The following NDST4 variants were observed in gnomAD, a reference collection of about 807,000 sequenced individuals.
NDST4 encodes N-heparan sulfate sulfotransferase 4.
A neutral mutation model predicts 100.8 loss-of-function variants in NDST4; 63 were observed. That is an observed-to-expected ratio of 0.62 (90% CI 0.51 to 0.77). The LOEUF is 0.77. NDST4 is among the 30% of genes least tolerant of loss of function. NDST4 has a pLI of 0.00. For missense variants in NDST4, 943 were observed against 1,018.4 expected, an observed-to-expected ratio of 0.93 and a Z score of 1.01; for synonymous variants, 377 against 361.8, an observed-to-expected ratio of 1.04 and a Z score of -0.48.
chr4:114,917,519 A>G (rs1196229586), intron 6 of NDST4, among the ~76,000 whole-genome samples: 1 of 152,152 alleles, frequency 6.6e-6, no homozygotes, highest in Non-Finnish European at 1.5e-5. Context: ...CTCGACTTTC[A>G]TGCACCTACA....
At chr4:114,897,331 A>G (rs1658267929) in intron 6 of NDST4, among the ~76,000 whole-genome samples, 1 of 152,190 alleles carries the variant, frequency 6.6e-6, no homozygotes, top group Non-Finnish European at 1.5e-5. Flanking sequence ...TGAAAATCAT[A>G]CAGCCATTTA....
At chr4:115,093,344 G>A (rs904928972) in intron 1 of NDST4, among the ~76,000 whole-genome samples, 17 of 151,960 alleles carry the variant, frequency 1.1e-4, no homozygotes, top group South Asian at 2.1e-4. Context: ...GCGTGGTGGC[G>A]GGTGCCTGTA....
intron 2 of NDST4, among the ~76,000 whole-genome samples, chr4:115,068,815 C>CAAAAA (rs34003720): frequency 1.8e-3 from 137 of 77,562 alleles, no homozygotes; most frequent in African/African-American, 5.4e-3. Context: ...GGCTCCATCT[C>CAAAAA]AAAAAAAAAA....
At chr4:115,018,904 A>C (rs1432237243) in intron 2 of NDST4, among the ~76,000 whole-genome samples, 1 of 152,008 alleles carries the variant, frequency 6.6e-6, no homozygotes, top group African/African-American at 2.4e-5. Context: ...TCAAAGCTAC[A>C]TTTATTGCAA....
chr4:115,024,331 A>T (rs1425486939), intron 2 of NDST4, among the ~76,000 whole-genome samples: 2 of 152,126 alleles, frequency 1.3e-5, no homozygotes, highest in Non-Finnish European at 2.9e-5. Flanking sequence ...ACCACTTGAA[A>T]GCTGCTGTGT....
intron 4 of NDST4, among the ~76,000 whole-genome samples, chr4:114,969,140 C>T (rs1460775306): frequency 6.6e-6 from 1 of 151,716 alleles, no homozygotes; most frequent in Non-Finnish European, 1.5e-5. Context: ...GGTGAAACCC[C>T]GTCTCTACTA....
rs1724135413 is a variant in NDST4, at chr4:114,870,930, A to G, written c.1557T>C (p.His519=). Residue 519 remains histidine (H), a synonymous_variant, in exon 7 of 14, where the codon CAT becomes CAC. Coordinates refer to ENST00000264363, the MANE Select transcript of NDST4 (RefSeq NM_022569.3). Reference sequence around the variant, plus strand: ...GGCGGTCATTTCCATAGTTTGATAAATGGGTCATGAAAATGCTGATCTGAA... The same window carrying G: ...GGCGGTCATTTCCATAGTTTGATAAGTGGGTCATGAAAATGCTGATCTGAA... ...LLNPISIFMT[H]LSNYGNDRLG... 1 of 1,605,960 alleles carries G rather than the reference A, an allele frequency of 6.2e-7. No individual in the cohort carries two copies. The highest frequency in any genetic ancestry group is 8.5e-7 in the Non-Finnish European group (1 of 1,176,786).
chr4:115,090,839 A>G (rs2126294752), intron 1 of NDST4, among the ~76,000 whole-genome samples: 1 of 152,218 alleles, frequency 6.6e-6, no homozygotes, highest in African/African-American at 2.4e-5. Context: ...GACATCAGCG[A>G]AAGATCAGTG....
chr4:114,917,042 C>A (rs1390171815), intron 6 of NDST4, among the ~76,000 whole-genome samples: 1 of 152,054 alleles, frequency 6.6e-6, no homozygotes, highest in African/African-American at 2.4e-5. Context: ...GGACTCCTTG[C>A]AAATACCAAA....
chr4:115,043,635 G>T (rs1221023828), intron 2 of NDST4, among the ~76,000 whole-genome samples: 1 of 152,092 alleles, frequency 6.6e-6, no homozygotes, highest in African/African-American at 2.4e-5. Flanking sequence ...GGTTGATTCA[G>T]AGGGCACAAT....
intron 4 of NDST4, among the ~76,000 whole-genome samples, chr4:114,960,042 G>T (rs986524026): frequency 2.0e-5 from 3 of 152,064 alleles, no homozygotes; most frequent in Non-Finnish European, 4.4e-5. Flanking sequence ...AGTCGCAAAA[G>T]AACTCATCAC....
intron 1 of NDST4, among the ~76,000 whole-genome samples, chr4:115,109,395 A>C (rs182384241): frequency 1.6e-3 from 238 of 152,096 alleles, no homozygotes; most frequent in African/African-American, 5.4e-3. Flanking sequence ...AAATTCCTCT[A>C]ATTTGGGAAC....
At chr4:114,941,526 AG>A (rs1400037848) in intron 4 of NDST4, among the ~76,000 whole-genome samples, 1 of 152,188 alleles carries the variant, frequency 6.6e-6, no homozygotes, top group African/African-American at 2.4e-5. Flanking sequence ...TCAGCCTTTT[AG>A]GAGTACTCAA....
At chr4:115,050,635 G>A (rs959523686) in intron 2 of NDST4, among the ~76,000 whole-genome samples, 3 of 152,050 alleles carry the variant, frequency 2.0e-5, no homozygotes, top group African/African-American at 7.2e-5. Flanking sequence ...CAAATACAGT[G>A]GAATTATAGT....
intron 2 of NDST4, among the ~76,000 whole-genome samples, chr4:115,009,174 G>GA (rs1257742814): frequency 2.4e-5 from 3 of 127,308 alleles, no homozygotes; most frequent in African/African-American, 3.0e-5. Context: ...CACAGAATTG[G>GA]AAAAAACTAC....
chr4:115,076,259 G>C lies in NDST4; in HGVS notation c.778C>G (p.Leu260Val), dbSNP rs201001644. 5.5e-5 allele frequency: 89 copies of C among 1,614,018 alleles called. No homozygotes were observed. Among genetic ancestry groups the C allele is most frequent in the Non-Finnish European group, 4.1e-5 (48 of 1,179,932 alleles). The change falls in exon 2 of 14, where the codon CTG becomes GTG. Residue 260 changes from leucine (L) to valine (V), a missense_variant. Physicochemically the swap from Leu to Val is conservative, Grantham distance 32. Around this residue, in one of 2 missense-constraint regions of NDST4, gnomAD observed 417 missense variants for 384.2 expected, o/e 1.09. Transcript: ENST00000264363. ...CTCTGAATTCCATCATGAAGCCCCAGATCCTGAATCACCGTTGCAAAGAGT... is the reference window on the plus strand; with the variant it reads ...CTCTGAATTCCATCATGAAGCCCCACATCCTGAATCACCGTTGCAAAGAGT... ...KTLFATVIQD[L>V]GLHDGIQRVL...
At chr4:115,105,841 G>T (rs2110345483) in intron 1 of NDST4, among the ~76,000 whole-genome samples, 1 of 152,078 alleles carries the variant, frequency 6.6e-6, no homozygotes, top group Admixed American at 6.6e-5. Flanking sequence ...AATTCCTTTT[G>T]CATAAAAAAG....
At chr4:114,897,775 A>G (rs972281439) in intron 6 of NDST4, among the ~76,000 whole-genome samples, 1 of 152,178 alleles carries the variant, frequency 6.6e-6, no homozygotes. Context: ...TAATTGTAAT[A>G]GGTTTTTAGT....
At chr4:115,008,846 C>G (rs78930669) in intron 2 of NDST4, among the ~76,000 whole-genome samples, 81,830 of 126,750 alleles carry the variant, frequency 0.65, 34,893 homozygotes, top group Non-Finnish European at 0.84. Flanking sequence ...TCGCAGGATA[C>G]AAAATCAATG....
Sources: allele counts gnomAD v4.1 joint callset (sites outside exome capture counted in the v4.1 genomes callset), GRCh38; gene constraint gnomAD v4.1.1; regional missense constraint gnomAD v4.1.1; transcripts MANE v1.5; gene names NCBI Gene and HGNC (gene_info 2026-07-23, HGNC 2026-07-21).